ALG1L2: variants seen among roughly 807,000 people sequenced by gnomAD.
ALG1L2 encodes ALG1 chitobiosyldiphosphodolichol beta-mannosyltransferase like 2.
A neutral mutation model predicts 29.0 loss-of-function variants in ALG1L2; 32 were observed. That is an observed-to-expected ratio of 1.10 (90% CI 0.83 to 1.48). The LOEUF is 1.48. Among genes scored for constraint, ALG1L2 ranks in the 40% most tolerant of loss-of-function variants. The pLI is 0.00. For missense variants in ALG1L2, 318 were observed against 274.1 expected (o/e 1.16, Z -1.13); for synonymous variants, 110 against 109.5 (o/e 1.00, Z -0.03).
intron 1 of ALG1L2, among the ~76,000 whole-genome samples, chr3:130,083,404 C>A (rs1934827927): frequency 8.3e-6 from 1 of 120,918 alleles, no homozygotes; most frequent in South Asian, 2.7e-4. Context: ...AGATCTCACC[C>A]TGCACTCCAG....
At chr3:130,096,836 A>T (rs141645591) in intron 6 of ALG1L2, among the ~76,000 whole-genome samples, 3 of 152,176 alleles carry the variant, frequency 2.0e-5, no homozygotes, top group Non-Finnish European at 4.4e-5. Flanking sequence ...TATGTGCTGA[A>T]CCAGTCCCCA....
chr3:130,098,152 G>C, intron 7 of ALG1L2, 71 bp from the exon 8 acceptor site: 3 of 1,588,900 alleles, frequency 1.9e-6, no homozygotes, highest in Non-Finnish European at 2.6e-6. Flanking sequence ...TTGGGTCGGG[G>C]AGCTGGGGTC....
intron 4 of ALG1L2, chr3:130,094,084 T>C (rs1265322531): frequency 7.5e-6 from 3 of 398,504 alleles, no homozygotes; most frequent in South Asian, 2.3e-5. Context: ...TTGTCCCCTG[T>C]GCACAACACA....
Position 130,097,218 on chromosome 3 carries a change from G to C in ALG1L2, c.583G>C (p.Glu195Gln). 1.9e-6 allele frequency: 3 copies of C among 1,611,320 alleles called. No individual in the cohort carries two copies. The highest frequency in any genetic ancestry group is 2.5e-6 in the Non-Finnish European group (3 of 1,179,866). ...ACATGAAGAAAACCGCCTGGTCTTT[G>C]AGGACTCAGAGGAACTGGCAGCTCA... ...VKHEENRLVF[E>Q]DSEELAAQLQ... Residue 195 changes from glutamate (E) to glutamine (Q), a missense_variant, in exon 7 of 8, where the codon GAG becomes CAG. Coordinates refer to ENST00000425059, the MANE Select transcript of ALG1L2 (RefSeq NM_001136152.1).
chr3:130,091,107 T>C, intron 1 of ALG1L2, 154 bp from the exon 2 acceptor site: 1 of 709,438 alleles, frequency 1.4e-6, no homozygotes, highest in South Asian at 1.8e-5. Flanking sequence ...TCCTCAGGTC[T>C]TTAGGGGAAA....
chr3:130,085,410 T>A lies in ALG1L2; in HGVS notation c.20+3374T>A, dbSNP rs75067124. Reference sequence around the variant, plus strand: ...TGTGCCTGGCGTATTTTATTTATAATCTTTTTAATAGAGATAGGAGTCTCC... The same window carrying A: ...TGTGCCTGGCGTATTTTATTTATAAACTTTTTAATAGAGATAGGAGTCTCC... On this transcript the variant is annotated intron_variant, in intron 1 of 7. Coordinates refer to ENST00000425059, the MANE Select transcript of ALG1L2 (RefSeq NM_001136152.1). Among the ~76,000 whole-genome samples the A allele has an allele frequency of 1.9e-3, 121 of 63,740 alleles. 1 individual carries two copies. Among genetic ancestry groups the A allele is most frequent in the Middle Eastern group, 0.022 (2 of 90 alleles). The allele number at this position is 63,740 out of a possible 152,430, so 41.8% of individuals were successfully genotyped here.
intron 2 of ALG1L2, 43 bp from the exon 3 acceptor site, chr3:130,092,058 C>T (rs754967789): frequency 1.2e-6 from 2 of 1,607,618 alleles, no homozygotes; most frequent in Non-Finnish European, 1.7e-6. Flanking sequence ...GGGTCCTGGG[C>T]CTGCTCTGTG....
chr3:130,097,716 C>T (rs1277761696), intron 7 of ALG1L2, among the ~76,000 whole-genome samples: 1 of 152,086 alleles, frequency 6.6e-6, no homozygotes, highest in African/African-American at 2.4e-5. Context: ...AGACTGGGTC[C>T]CCCAGTCTCT....
chr3:130,095,079 G>T (rs566566767), intron 5 of ALG1L2, among the ~76,000 whole-genome samples: 61 of 152,298 alleles, frequency 4.0e-4, no homozygotes, highest in Admixed American at 1.5e-3. Context: ...CCGTTGCCTA[G>T]GTTGGAGTGC....
At chr3:130,084,867 C>A (rs1253619547) in intron 1 of ALG1L2, among the ~76,000 whole-genome samples, 1 of 118,692 alleles carries the variant, frequency 8.4e-6, no homozygotes, top group African/African-American at 2.8e-5. Context: ...TTTCCCCTTT[C>A]CATATATCTA....
intron 2 of ALG1L2, among the ~76,000 whole-genome samples, 171 bp downstream of exon 2, chr3:130,091,542 A>C (rs932165455): frequency 6.6e-6 from 1 of 152,168 alleles, no homozygotes; most frequent in Non-Finnish European, 1.5e-5. Flanking sequence ...ACACTCATTA[A>C]CTTCTGAGTT....
chr3:130,086,645 C>T (rs139740357), intron 1 of ALG1L2, among the ~76,000 whole-genome samples: 8 of 146,740 alleles, frequency 5.5e-5, no homozygotes, highest in African/African-American at 2.0e-4. Context: ...TCACTGCACT[C>T]CTGCCTGGTC....
intron 1 of ALG1L2, among the ~76,000 whole-genome samples, chr3:130,084,239 C>T (rs1227523069): frequency 2.2e-4 from 33 of 150,946 alleles, no homozygotes; most frequent in Non-Finnish European, 4.0e-4. Context: ...AGTAGGATAG[C>T]TCGAGGCCAG....
chr3:130,097,910 C>G (rs547243704), intron 7 of ALG1L2, among the ~76,000 whole-genome samples: 1 of 152,228 alleles, frequency 6.6e-6, no homozygotes, highest in Non-Finnish European at 1.5e-5. Flanking sequence ...AGAACACCCC[C>G]TTGTTACCCA....
chr3:130,091,893 C>A, intron 2 of ALG1L2: 2 of 817,954 alleles, frequency 2.4e-6, no homozygotes, highest in South Asian at 1.6e-5. Context: ...ATTAGTCAGT[C>A]TTGTTTGCTG....
chr3:130,085,710 A>C (rs1481412751), intron 1 of ALG1L2, among the ~76,000 whole-genome samples: 13 of 151,636 alleles, frequency 8.6e-5, no homozygotes, highest in Non-Finnish European at 1.8e-4. Context: ...TTCAACCCAC[A>C]ACAGTGCCCT....
In ALG1L2 at chr3:130,085,715, T is replaced by G. The variant is rs748466380; in HGVS notation, c.20+3679T>G. Reference sequence around the variant, plus strand: ...GGGGATGCAATTCAACCCACAACAGTGCCCTGCTCTGTGAAATGTTCACCT... The same window carrying G: ...GGGGATGCAATTCAACCCACAACAGGGCCCTGCTCTGTGAAATGTTCACCT... On this transcript the variant is annotated intron_variant, in intron 1 of 7. Transcript: ENST00000425059. Among the ~76,000 whole-genome samples the G allele has an allele frequency of 2.8e-3, 419 of 151,572 alleles. 4 individuals carry two copies. The highest frequency in any genetic ancestry group is 4.0e-3 in the Non-Finnish European group (273 of 67,622).
intron 6 of ALG1L2, among the ~76,000 whole-genome samples, chr3:130,096,876 T>C (rs1935148484): frequency 6.6e-6 from 1 of 152,158 alleles, no homozygotes; most frequent in African/African-American, 2.4e-5. Context: ...TCCTTGGCCA[T>C]GGAATTAAGA....
At chr3:130,096,663 G>T (rs1935141607) in intron 6 of ALG1L2, among the ~76,000 whole-genome samples, 2 of 152,266 alleles carry the variant, frequency 1.3e-5, no homozygotes, top group East Asian at 3.9e-4. Flanking sequence ...TGGAAGGGTG[G>T]AGTTAGAGGA....
Sources: gnomAD v4.1 joint callset for allele counts (sites outside exome capture counted in the v4.1 genomes callset) on GRCh38, gnomAD v4.1.1 for gene constraint, MANE v1.5 for transcripts, NCBI Gene and HGNC (gene_info 2026-07-23, HGNC 2026-07-21) for gene names.